Variants in DIAPH1 observed in about 807,000 individuals in gnomAD.
The protein encoded by DIAPH1 is diaphanous related formin 1, also known as protein diaphanous homolog 1.
In DIAPH1, 46 loss-of-function variants were observed where a neutral mutation model predicts 140.7. That is an observed-to-expected ratio of 0.33 (90% CI 0.26 to 0.42). The LOEUF (loss-of-function observed/expected upper bound fraction) is 0.42. Ranked by LOEUF, DIAPH1 falls within the 10% of genes least tolerant of loss-of-function variation. DIAPH1 has a pLI of 1.00. For synonymous variants in DIAPH1, 565 were observed against 551.6 expected (o/e 1.02, Z -0.34); for missense variants, 1,310 against 1,558.7 (o/e 0.84, Z 2.69).
rs1170986290 is a variant in DIAPH1 at position 141,516,773 on chromosome 5, T to A, written c.*78A>T. On this transcript the variant is annotated 3_prime_UTR_variant, in exon 28 of 28. Coordinates refer to ENST00000389054, the MANE Select transcript of DIAPH1 (RefSeq NM_005219.5). ...GTGGCCACCCCAGAGGAATATCCCC[T>A]TGAGCCTTTAGGCACATGCTGCAGG... 6.4e-7 allele frequency: 1 copy of A among 1,568,944 alleles called. No homozygotes were observed. Among genetic ancestry groups the A allele is most frequent in the African/African-American group, 1.4e-5 (1 of 73,980 alleles).
chr5:141,581,167 G>A (rs2099896692), intron 7 of DIAPH1, among the ~76,000 whole-genome samples: 1 of 152,178 alleles, frequency 6.6e-6, no homozygotes, highest in Non-Finnish European at 1.5e-5. Context: ...TACAGAGGGA[G>A]AACACCATGT....
chr5:141,618,666 G>A, intron 1 of DIAPH1, 132 bp downstream of exon 1: 1 of 614,766 alleles, frequency 1.6e-6, no homozygotes, highest in Non-Finnish European at 2.9e-6. Context: ...GCAGAGCTGC[G>A]GACCGAGCGA....
intron 1 of DIAPH1, among the ~76,000 whole-genome samples, chr5:141,615,805 T>C (rs1397585817): frequency 6.6e-6 from 1 of 152,214 alleles, no homozygotes; most frequent in Non-Finnish European, 1.5e-5. Context: ...ATATTCTCTC[T>C]TACAATGCAT....
intron 1 of DIAPH1, among the ~76,000 whole-genome samples, chr5:141,605,666 AC>A (rs775319394): frequency 9.2e-5 from 14 of 152,248 alleles, no homozygotes; most frequent in Non-Finnish European, 1.8e-4. Flanking sequence ...ACTTTGAGCA[AC>A]TTAATACCAC....
At chr5:141,603,798 A>G (rs1029300071) in intron 1 of DIAPH1, among the ~76,000 whole-genome samples, 5 of 152,232 alleles carry the variant, frequency 3.3e-5, no homozygotes, top group Admixed American at 6.5e-5. Context: ...TAACAGGTCC[A>G]AAGTATCACT....
chr5:141,584,902 T>C (rs2099897298), intron 3 of DIAPH1, among the ~76,000 whole-genome samples: 1 of 152,204 alleles, frequency 6.6e-6, no homozygotes, highest in African/African-American at 2.4e-5. Context: ...GGATGTATTC[T>C]GTTTCTTCTG....
intron 1 of DIAPH1, among the ~76,000 whole-genome samples, chr5:141,613,127 C>T (rs985049286): frequency 8.5e-5 from 13 of 152,162 alleles, no homozygotes; most frequent in South Asian, 4.1e-4. Flanking sequence ...CCAGTCATAT[C>T]CACCACCAAG....
intron 18 of DIAPH1, among the ~76,000 whole-genome samples, chr5:141,559,680 T>C (rs2099893212): frequency 1.3e-5 from 2 of 152,066 alleles, no homozygotes; most frequent in South Asian, 4.2e-4. Flanking sequence ...GTGACTCAAT[T>C]AGGGAGTGCT....
rs1180804710 is a variant in DIAPH1 at position 141,526,369 on chromosome 5, G to T, written c.3366C>A (p.Phe1122Leu). 1.2e-6 allele frequency: 2 copies of T among 1,614,040 alleles called. No individual in the cohort carries two copies. Among genetic ancestry groups the T allele is most frequent in the Admixed American group, 1.7e-5 (1 of 60,002 alleles). ...ETLYKELGEY[F>L]LFDPKKLSVE... ...CAGACAACTTCTTGGGGTCAAAGAG[G>T]AAGTACTCGCCCAGCTCCTTATAGA... Residue 1122 changes from phenylalanine (F) to leucine (L), a missense_variant, in exon 25 of 28, where the codon TTC becomes TTA. This residue lies in a region of DIAPH1 where 344 missense variants were observed against 512.2 expected (regional missense o/e 0.67). Coordinates refer to ENST00000389054, the MANE Select transcript of DIAPH1 (RefSeq NM_005219.5).
chr5:141,577,948 C>T lies in DIAPH1; in HGVS notation c.1163+277G>A, dbSNP rs2099896202. ...ACATCTCTAAAAGCCAGTTCTACATCTTAGTAAGCTAAGCTATCACATTCT... is the reference window on the plus strand; with the variant it reads ...ACATCTCTAAAAGCCAGTTCTACATTTTAGTAAGCTAAGCTATCACATTCT... On this transcript the variant is annotated intron_variant, in intron 11 of 27. Coordinates refer to ENST00000389054, the MANE Select transcript of DIAPH1 (RefSeq NM_005219.5). 11 of 545,844 alleles carry T rather than the reference C, an allele frequency of 2.0e-5. No homozygotes were observed. The South Asian group carries it at 2.2e-4, about 11-fold the overall frequency. 33.8% of individuals were successfully genotyped at this position (545,844 alleles called of 1,614,324 possible).
chr5:141,529,250 C>T lies in DIAPH1; in HGVS notation c.2700G>A (p.Glu900=). ...MIQNLIKQMP[E]PEQLKMLSEL... ...CAGAAAGCATTTTTAACTGCTCTGG[C>T]TCTGGCATTTGCTTAATGAGGTTCT... The change falls in exon 21 of 28, where the codon GAG becomes GAA. Residue 900 remains glutamate, a synonymous_variant. Coordinates refer to ENST00000389054, the MANE Select transcript of DIAPH1 (RefSeq NM_005219.5). The T allele has an allele frequency of 6.2e-7, 1 of 1,614,108 alleles. No homozygotes were observed. The highest frequency in any genetic ancestry group is 8.5e-7 in the Non-Finnish European group (1 of 1,179,972).
At position 141,576,287 on chromosome 5, in the gene DIAPH1, C is replaced by T; in HGVS notation, c.1404G>A (p.Met468Ile). ...ATTTCTCCACCTTTGTCTTATCAATCATTTGATCTGAAAAGAAGAAGAGTC... is the reference window on the plus strand; with the variant it reads ...ATTTCTCCACCTTTGTCTTATCAATTATTTGATCTGAAAAGAAGAAGAGTC... ...QIEIEGLIDQMIDKTKVEKSE... is the reference protein window; with the variant it reads ...QIEIEGLIDQIIDKTKVEKSE... The change falls in exon 14 of 28, where the codon ATG becomes ATA. Residue 468 changes from methionine (M) to isoleucine (I), a missense_variant. Met to Ile is a conservative substitution (Grantham distance 10). This residue lies in a region of DIAPH1 where 589 missense variants were observed against 549.3 expected (regional missense o/e 1.07). Transcript: ENST00000389054. The T allele has an allele frequency of 6.2e-7, 1 of 1,613,584 alleles. No homozygotes were observed. Among genetic ancestry groups the T allele is most frequent in the Non-Finnish European group, 8.5e-7 (1 of 1,179,464 alleles).
chr5:141,582,906 T>TAC (rs1242386572), intron 6 of DIAPH1, among the ~76,000 whole-genome samples: 31 of 152,184 alleles, frequency 2.0e-4, no homozygotes, highest in Admixed American at 3.3e-4. Context: ...CAGACCAGAT[T>TAC]ACACAGCAGC....
intron 27 of DIAPH1, among the ~76,000 whole-genome samples, chr5:141,517,870 A>G (rs2099885933): frequency 6.6e-6 from 1 of 152,200 alleles, no homozygotes; most frequent in Non-Finnish European, 1.5e-5. Context: ...TTTCATCCCC[A>G]AGACTCTCAT....
intron 7 of DIAPH1, 78 bp from the exon 8 acceptor site, chr5:141,580,961 GGGTTGAAT>G: frequency 6.4e-7 from 1 of 1,569,340 alleles, no homozygotes; most frequent in South Asian, 1.1e-5. Context: ...GGGTTGTTAT[GGGTTGAAT>G]GGTGTCCTCT....
chr5:141,529,657 A>T lies in DIAPH1; in HGVS notation c.2622T>A (p.Ile874=), dbSNP rs184967634. The change falls in exon 20 of 28, where the codon ATT becomes ATA. Residue 874 remains isoleucine (I), a synonymous_variant. Coordinates refer to ENST00000389054, the MANE Select transcript of DIAPH1 (RefSeq NM_005219.5). ...LGSFRMPYQE[I]KNVILEVNEA... is the part of the protein sequence containing the mutation. Reference sequence around the variant, plus strand: ...CATTCACCTCCAGGATGACATTCTTAATCTCTTGATAGGGCATGCGGAAGG... The same window carrying T: ...CATTCACCTCCAGGATGACATTCTTTATCTCTTGATAGGGCATGCGGAAGG... 8.1e-6 allele frequency: 13 copies of T among 1,614,160 alleles called. No homozygotes were observed. Among genetic ancestry groups the T allele is most frequent in the Non-Finnish European group, 2.5e-6 (3 of 1,180,032 alleles).
intron 18 of DIAPH1, among the ~76,000 whole-genome samples, chr5:141,562,414 T>C (rs1196559255): frequency 6.6e-6 from 1 of 152,022 alleles, no homozygotes; most frequent in Non-Finnish European, 1.5e-5. Context: ...CTTGTTTTGG[T>C]AAGAGGAAGG....
rs1554201371 is a variant in DIAPH1 at position 141,528,717 on chromosome 5, G to C, written c.3003C>G (p.Ile1001Met). 6.2e-7 allele frequency: 1 copy of C among 1,614,220 alleles called. No homozygotes were observed. The highest frequency in any genetic ancestry group is 1.1e-5 in the South Asian group (1 of 91,090). ...TTTGGCTCACCTTACAGAGGAAGCT[G>C]ATATTGAAGCCAAAAGCACCAGCAT... ...SRNAGAFGFN[I>M]SFLCKLRDTK... The change falls in exon 22 of 28, where the codon ATC (isoleucine) becomes ATG (methionine). Residue 1001 changes from isoleucine (I) to methionine (M), a missense_variant. Physicochemically the swap from Ile to Met is conservative, Grantham distance 10. Around this residue, in one of 3 missense-constraint regions of DIAPH1, gnomAD observed 344 missense variants for 512.2 expected, o/e 0.67. Coordinates refer to ENST00000389054, the MANE Select transcript of DIAPH1 (RefSeq NM_005219.5).
chr5:141,570,441 T>C (rs2099895000), intron 18 of DIAPH1, among the ~76,000 whole-genome samples: 1 of 152,152 alleles, frequency 6.6e-6, no homozygotes, highest in Admixed American at 6.5e-5. Flanking sequence ...AAAGGCCATT[T>C]TGACCTGAAT....
Sources: gnomAD v4.1 joint callset for allele counts (sites outside exome capture counted in the v4.1 genomes callset) on GRCh38, gnomAD v4.1.1 for gene constraint, gnomAD v4.1.1 regional missense constraint, MANE v1.5 for transcripts, NCBI Gene and HGNC (gene_info 2026-07-23, HGNC 2026-07-21) for gene names.